ATG7: variants seen among roughly 807,000 people sequenced by gnomAD.
ATG7 encodes autophagy related 7, also known as ubiquitin-like modifier-activating enzyme ATG7.
A neutral mutation model predicts 82.4 loss-of-function variants in ATG7; 70 were observed. The ratio of observed to expected loss-of-function variants is 0.85; its 90% CI spans 0.70 to 1.04. The LOEUF is 1.04. Ranked by LOEUF, ATG7 falls within the 50% of genes least tolerant of loss-of-function variation. The pLI is 0.00. For synonymous variants in ATG7, 287 were observed against 313.0 expected, an observed-to-expected ratio of 0.92 and a Z score of 0.88; for missense variants, 792 against 864.3, an observed-to-expected ratio of 0.92 and a Z score of 1.05.
At chr3:11,564,726 C>T in the ATG7 span, 39 of 1,512,542 alleles carry the variant, frequency 2.6e-5, no homozygotes, top group Admixed American at 2.0e-4. Context: ...GTCCTCTGCT[C>T]GGGGCTCTCC....
At chr3:11,444,206 T>C (rs1345232615) in intron 20 of ATG7, among the ~76,000 whole-genome samples, 1 of 152,226 alleles carries the variant, frequency 6.6e-6, no homozygotes, top group African/African-American at 2.4e-5. Context: ...ATTTCTCCTC[T>C]ACGGTAGCAT....
At chr3:11,338,175 T>A (rs1237253840) in intron 11 of ATG7, among the ~76,000 whole-genome samples, 5 of 152,172 alleles carry the variant, frequency 3.3e-5, no homozygotes, top group Non-Finnish European at 7.3e-5. Flanking sequence ...TTCTCATCAT[T>A]TAGCTCCTAC....
At chr3:11,498,168 T>TA in intron 20 of ATG7, among the ~76,000 whole-genome samples, 1 of 152,268 alleles carries the variant, frequency 6.6e-6, no homozygotes, top group Non-Finnish European at 1.5e-5. Context: ...CATACATACA[T>TA]ACATATGTAC....
intron 20 of ATG7, among the ~76,000 whole-genome samples, chr3:11,535,488 A>C (rs2092773313): frequency 6.6e-6 from 1 of 152,128 alleles, no homozygotes; most frequent in South Asian, 2.1e-4. Flanking sequence ...GTCTCAGAGC[A>C]GGCTCTCTTT....
intron 7 of ATG7, among the ~76,000 whole-genome samples, chr3:11,310,473 C>A (rs919042557): frequency 6.6e-6 from 1 of 152,186 alleles, no homozygotes; most frequent in Admixed American, 6.5e-5. Context: ...AGCAATCAAA[C>A]AAGGCCAGTG....
At position 11,518,329 on chromosome 3, in the gene ATG7, A is replaced by G. The variant is rs141143773; in HGVS notation, c.2080-36482A>G. On this transcript the variant is annotated intron_variant, in intron 20 of 20. Transcript: ENST00000693202. Reference sequence around the variant, plus strand: ...TGGGAGGCCAAGGTGGGTGGATCACAAGGTCAAAGAGATCGAGACCAGCTT... The same window carrying G: ...TGGGAGGCCAAGGTGGGTGGATCACGAGGTCAAAGAGATCGAGACCAGCTT... 2.9e-3 allele frequency among the ~76,000 whole-genome samples: 435 copies of G among 152,282 alleles called. 3 individuals carry two copies. The highest frequency in any genetic ancestry group is 9.3e-3 in the African/African-American group (387 of 41,562).
intron 19 of ATG7, among the ~76,000 whole-genome samples, chr3:11,394,343 T>C (rs1364743141): frequency 6.6e-6 from 1 of 152,240 alleles, no homozygotes. Context: ...GCTCTCTTAC[T>C]GAAGTCACCT....
chr3:11,462,723 A>G (rs1052382623), intron 20 of ATG7, among the ~76,000 whole-genome samples: 13 of 152,052 alleles, frequency 8.5e-5, no homozygotes, highest in Non-Finnish European at 1.6e-4. Context: ...AGAATTAACT[A>G]TCCTCTCGCC....
intron 8 of ATG7, 55 bp downstream of exon 8, chr3:11,313,475 T>C: frequency 7.7e-7 from 1 of 1,302,160 alleles, no homozygotes; most frequent in South Asian, 1.3e-5. Context: ...GCAAGAGTAG[T>C]TATGTAGTTC....
intron 20 of ATG7, among the ~76,000 whole-genome samples, chr3:11,480,175 C>A (rs1157104512): frequency 6.6e-6 from 1 of 152,132 alleles, no homozygotes; most frequent in African/African-American, 2.4e-5. Context: ...TCGAGATCCA[C>A]CTGCCTTGGC....
chr3:11,564,908 G>A, the ATG7 span: 3 of 1,602,044 alleles, frequency 1.9e-6, no homozygotes, highest in Non-Finnish European at 8.5e-7. Flanking sequence ...TGGGGAGGGA[G>A]GTGTACAGGT....
At chr3:11,350,457 T>C (rs1349674068) in intron 14 of ATG7, among the ~76,000 whole-genome samples, 2 of 152,238 alleles carry the variant, frequency 1.3e-5, no homozygotes, top group Non-Finnish European at 2.9e-5. Flanking sequence ...ACTTACTCAA[T>C]AAGCCACATA....
At chr3:11,306,592 A>G (rs913337679) in intron 5 of ATG7, among the ~76,000 whole-genome samples, 12 of 152,276 alleles carry the variant, frequency 7.9e-5, no homozygotes, top group African/African-American at 2.6e-4. Context: ...TAAATGGGGG[A>G]AAAGAGCTGT....
chr3:11,426,755 G>T, intron 19 of ATG7, 49 bp from the exon 20 acceptor site: 1 of 1,467,170 alleles, frequency 6.8e-7, no homozygotes, highest in Non-Finnish European at 9.1e-7. Flanking sequence ...CTTTTAATTT[G>T]CATTTTAAGT....
intron 16 of ATG7, among the ~76,000 whole-genome samples, chr3:11,362,087 T>C (rs1352443811): frequency 1.3e-5 from 2 of 152,216 alleles, no homozygotes; most frequent in African/African-American, 4.8e-5. Context: ...GGTCTTGTTA[T>C]TTAGTGATTG....
chr3:11,466,991 G>T (rs998806132), intron 20 of ATG7, among the ~76,000 whole-genome samples: 1 of 152,100 alleles, frequency 6.6e-6, no homozygotes, highest in East Asian at 1.9e-4. Context: ...AGGTGTGGTG[G>T]CGGGCGCCTG....
chr3:11,550,621 C>T (rs889002478), intron 20 of ATG7, among the ~76,000 whole-genome samples: 78 of 152,210 alleles, frequency 5.1e-4, no homozygotes, highest in African/African-American at 1.9e-3. Context: ...TGGTCTTGAA[C>T]TCCTGGGCTC....
chr3:11,403,347 T>A (rs575872105), intron 19 of ATG7, among the ~76,000 whole-genome samples: 7 of 152,012 alleles, frequency 4.6e-5, no homozygotes, highest in African/African-American at 7.2e-5. Flanking sequence ...TTTTTTTTTT[T>A]AATCTCTTAA....
At chr3:11,278,384 T>C (rs560132502) in intron 1 of ATG7, among the ~76,000 whole-genome samples, 19 of 152,368 alleles carry the variant, frequency 1.2e-4, no homozygotes, top group Non-Finnish European at 2.1e-4. Context: ...GGAACTGATA[T>C]ATGTCCATAT....
Sources: allele counts gnomAD v4.1 joint callset (sites outside exome capture counted in the v4.1 genomes callset), GRCh38; gene constraint gnomAD v4.1.1; transcripts MANE v1.5; gene names NCBI Gene and HGNC (gene_info 2026-07-23, HGNC 2026-07-21).